SAMD12: variants seen among roughly 807,000 people sequenced by gnomAD.
The protein encoded by SAMD12 is sterile alpha motif domain containing 12.
A neutral mutation model predicts 15.0 loss-of-function variants in SAMD12; 9 were observed. The ratio of observed to expected loss-of-function variants is 0.60; its 90% CI spans 0.36 to 1.05. SAMD12 has a LOEUF of 1.05. Ranked by LOEUF, SAMD12 falls within the 50% of genes least tolerant of loss-of-function variation. SAMD12 has a pLI of 0.01. For synonymous variants in SAMD12, 86 were observed against 90.1 expected (o/e 0.96, Z 0.25); for missense variants, 230 against 234.2 (o/e 0.98, Z 0.12).
intron 4 of SAMD12, among the ~76,000 whole-genome samples, chr8:118,268,632 T>C (rs1813264271): frequency 6.6e-6 from 1 of 151,966 alleles, no homozygotes. Context: ...CTGGCCAACA[T>C]GGTGAAACCC....
intron 2 of SAMD12, among the ~76,000 whole-genome samples, chr8:118,443,960 T>A (rs1158853815): frequency 6.6e-6 from 1 of 152,200 alleles, no homozygotes; most frequent in Non-Finnish European, 1.5e-5. Context: ...ATTTTCCCAC[T>A]GAAGGCAGGA....
chr8:118,570,396 T>C (rs1048563427), intron 2 of SAMD12, among the ~76,000 whole-genome samples: 2 of 152,156 alleles, frequency 1.3e-5, no homozygotes, highest in Admixed American at 6.5e-5. Flanking sequence ...GTATGTGTTG[T>C]TCCCTTCTAT....
At chr8:118,175,820 T>C in the SAMD12 span, among the ~76,000 whole-genome samples, 2 of 152,206 alleles carry the variant, frequency 1.3e-5, no homozygotes, top group Non-Finnish European at 2.9e-5. Flanking sequence ...TGGCTATTAT[T>C]AAAAAGTCAA....
chr8:118,544,876 C>T (rs1427822654), intron 2 of SAMD12, among the ~76,000 whole-genome samples: 1 of 152,144 alleles, frequency 6.6e-6, no homozygotes, highest in Non-Finnish European at 1.5e-5. Flanking sequence ...ATTCTATGTG[C>T]CAGGCATTGT....
chr8:118,234,710 C>CAAAAAAAAAAAAAAAA (rs10647591), intron 4 of SAMD12, among the ~76,000 whole-genome samples: 1 of 105,634 alleles, frequency 9.5e-6, no homozygotes, highest in Non-Finnish European at 1.8e-5. Flanking sequence ...GACTCCATCT[C>CAAAAAAAAAAAAAAAA]AAAAAAAAAA....
chr8:118,412,100 C>T (rs1451578111), intron 3 of SAMD12, among the ~76,000 whole-genome samples: 1 of 152,156 alleles, frequency 6.6e-6, no homozygotes, highest in African/African-American at 2.4e-5. Context: ...GAGGGTAAAG[C>T]CAAGAAACAC....
intron 4 of SAMD12, among the ~76,000 whole-genome samples, chr8:118,318,259 T>C (rs35246465): frequency 0.49 from 70,431 of 144,690 alleles, 19,651 homozygotes; most frequent in African/African-American, 0.78. Context: ...TTATTGCAGC[T>C]CAATTCACAA....
intron 4 of SAMD12, among the ~76,000 whole-genome samples, chr8:118,351,390 G>A (rs1006069646): frequency 5.3e-5 from 8 of 152,102 alleles, no homozygotes; most frequent in African/African-American, 1.7e-4. Flanking sequence ...GATGGGAAGC[G>A]GCAGAACCTT....
chr8:118,135,294 G>C, the SAMD12 span, among the ~76,000 whole-genome samples: 1 of 151,584 alleles, frequency 6.6e-6, no homozygotes, highest in Non-Finnish European at 1.5e-5. Context: ...CATTTCTCCT[G>C]CCTCAGCCTC....
the SAMD12 span, among the ~76,000 whole-genome samples, chr8:118,141,306 TA>T: frequency 6.6e-6 from 1 of 152,206 alleles, no homozygotes; most frequent in Non-Finnish European, 1.5e-5. Context: ...AAAATAAGAA[TA>T]ATTGTTCCTT....
chr8:118,182,706 C>T, the SAMD12 span, among the ~76,000 whole-genome samples: 642 of 152,226 alleles, frequency 4.2e-3, 5 homozygotes, highest in African/African-American at 0.015. Flanking sequence ...CTACTAAAGC[C>T]ATCTCACCCC....
intron 4 of SAMD12, among the ~76,000 whole-genome samples, chr8:118,372,099 G>C (rs1452993740): frequency 6.6e-6 from 1 of 152,162 alleles, no homozygotes; most frequent in African/African-American, 2.4e-5. Flanking sequence ...GGAAATTCAA[G>C]TAGCATAATT....
At chr8:118,390,085 C>A (rs1203673125) in intron 3 of SAMD12, among the ~76,000 whole-genome samples, 2 of 152,116 alleles carry the variant, frequency 1.3e-5, no homozygotes, top group African/African-American at 4.8e-5. Flanking sequence ...TGGCTCACTG[C>A]AAGCTCTGCC....
At chr8:118,254,773 C>G (rs1274532758) in intron 4 of SAMD12, among the ~76,000 whole-genome samples, 1 of 152,028 alleles carries the variant, frequency 6.6e-6, no homozygotes, top group Non-Finnish European at 1.5e-5. Context: ...TCTCCTTGGC[C>G]TGTGATTTTC....
chr8:118,547,463 C>T lies in SAMD12; in HGVS notation c.192+33252G>A, dbSNP rs148623821. 1.2e-4 allele frequency among the ~76,000 whole-genome samples: 18 copies of T among 152,272 alleles called. No individual in the cohort carries two copies. The East Asian group carries it at 3.3e-3, about 28-fold the overall frequency. Reference sequence around the variant, plus strand: ...GGTTGTAATTAATCATTTACACTTCCCTTGCCCCACTAGACTAACTGACCA... The same window carrying T: ...GGTTGTAATTAATCATTTACACTTCTCTTGCCCCACTAGACTAACTGACCA... On this transcript the variant is annotated intron_variant, in intron 2 of 3. Coordinates refer to ENST00000314727, the MANE Select transcript of SAMD12 (RefSeq NM_207506.3).
chr8:118,570,239 C>T (rs1001438946), intron 2 of SAMD12, among the ~76,000 whole-genome samples: 3 of 152,120 alleles, frequency 2.0e-5, no homozygotes, highest in African/African-American at 7.2e-5. Context: ...TTCAGGGGTA[C>T]ATGTACAGGT....
intron 4 of SAMD12, among the ~76,000 whole-genome samples, chr8:118,229,703 A>G (rs1420409056): frequency 6.6e-6 from 1 of 152,180 alleles, no homozygotes; most frequent in African/African-American, 2.4e-5. Flanking sequence ...TGTCAGGATG[A>G]AAAGCATTCA....
intron 4 of SAMD12, among the ~76,000 whole-genome samples, chr8:118,334,551 A>C (rs1309938478): frequency 3.3e-5 from 5 of 152,086 alleles, no homozygotes; most frequent in Non-Finnish European, 1.5e-5. Flanking sequence ...TCTCAAATCA[A>C]ATTGGAATCA....
At chr8:118,486,787 G>A (rs2515017) in intron 2 of SAMD12, among the ~76,000 whole-genome samples, 52,145 of 151,988 alleles carry the variant, frequency 0.34, 9,217 homozygotes, top group East Asian at 0.41. Flanking sequence ...AGCAACAAGG[G>A]GAGGTGAAGC....
Sources: gnomAD v4.1 joint callset for allele counts (sites outside exome capture counted in the v4.1 genomes callset) on GRCh38, gnomAD v4.1.1 for gene constraint, MANE v1.5 for transcripts, NCBI Gene and HGNC (gene_info 2026-07-23, HGNC 2026-07-21) for gene names.